The following FABP6 variants were observed in gnomAD, a reference collection of about 807,000 sequenced individuals.
FABP6 encodes the protein gastrotropin.
FABP6 carries 13 observed loss-of-function variants against 14.9 expected under a neutral mutation model. The observed-to-expected ratio is 0.87, with a 90% confidence interval of 0.57 to 1.39. FABP6 has a LOEUF of 1.39. Among genes scored for constraint, FABP6 ranks in the 40% most tolerant of loss-of-function variants. FABP6 has a pLI of 0.00. For synonymous variants in FABP6, 75 were observed against 63.6 expected, an observed-to-expected ratio of 1.18 and a Z score of -0.85; for missense variants, 161 against 167.2, an observed-to-expected ratio of 0.96 and a Z score of 0.20.
At chr5:160,206,177 T>C (rs1028365297) in intron 2 of FABP6, among the ~76,000 whole-genome samples, 1 of 152,320 alleles carries the variant, frequency 6.6e-6, no homozygotes, top group East Asian at 1.9e-4. Flanking sequence ...CTCATGCCTG[T>C]AATCCCAACT....
At chr5:160,191,198 G>C (rs1759386380) in intron 1 of FABP6, among the ~76,000 whole-genome samples, 1 of 152,066 alleles carries the variant, frequency 6.6e-6, no homozygotes, top group African/African-American at 2.4e-5. Context: ...AGGAGCAGTG[G>C]CTCATGCCTG....
At chr5:160,232,017 G>A in intron 1 of FABP6, 81 bp from the exon 2 acceptor site, 1 of 1,506,374 alleles carries the variant, frequency 6.6e-7, no homozygotes, top group Non-Finnish European at 9.0e-7. Context: ...GGGCGGTGGG[G>A]GTGGGCAGGA....
At chr5:160,233,987 T>C (rs975833389) in intron 2 of FABP6, among the ~76,000 whole-genome samples, 1 of 152,132 alleles carries the variant, frequency 6.6e-6, no homozygotes, top group Admixed American at 6.6e-5. Context: ...CCCCAGCTAT[T>C]TGCCTCTATC....
chr5:160,235,016 C>A, intron 3 of FABP6, 107 bp downstream of exon 3: 1 of 845,194 alleles, frequency 1.2e-6, no homozygotes, highest in Non-Finnish European at 1.9e-6. Context: ...CAGCACTTCC[C>A]TTGTACCAGG....
chr5:160,224,151 G>A (rs1760194470), intron 3 of FABP6, among the ~76,000 whole-genome samples: 2 of 152,092 alleles, frequency 1.3e-5, no homozygotes, highest in Non-Finnish European at 2.9e-5. Context: ...CAGGAGAATG[G>A]CGTGAACCCA....
intron 2 of FABP6, among the ~76,000 whole-genome samples, chr5:160,232,991 T>G (rs1760425319): frequency 2.7e-5 from 4 of 147,580 alleles, no homozygotes; most frequent in South Asian, 2.2e-4. Flanking sequence ...CATAAGTGTT[T>G]TTTTTTTTTT....
chr5:160,213,948 A>T (rs1449870800), intron 3 of FABP6: 1 of 739,010 alleles, frequency 1.4e-6, no homozygotes, highest in Non-Finnish European at 2.3e-6. Context: ...TTAGAATATT[A>T]GGTTGCACCA....
chr5:160,217,187 C>A (rs1298218771), intron 3 of FABP6, among the ~76,000 whole-genome samples: 1 of 152,092 alleles, frequency 6.6e-6, no homozygotes, highest in East Asian at 1.9e-4. Flanking sequence ...ATGGGGGCAG[C>A]AAGTTTTGTT....
upstream of FABP6, among the ~76,000 whole-genome samples, chr5:160,225,289 G>T (rs981230158): frequency 3.2e-4 from 44 of 138,748 alleles, no homozygotes; most frequent in Non-Finnish European, 3.0e-4. Context: ...TAGAGATGGG[G>T]TTCTGCCATG....
chr5:160,223,362 T>C (rs201982579), intron 3 of FABP6, among the ~76,000 whole-genome samples: 525 of 32,814 alleles, frequency 0.016, 9 homozygotes, highest in African/African-American at 0.029. Context: ...TCCTTCCTTC[T>C]TTCCCTCCCT....
At chr5:160,219,433 G>A (rs1760085932) in intron 3 of FABP6, among the ~76,000 whole-genome samples, 1 of 152,186 alleles carries the variant, frequency 6.6e-6, no homozygotes, top group African/African-American at 2.4e-5. Flanking sequence ...CTGTGATATG[G>A]AGGCAGTTTG....
At chr5:160,191,780 T>G (rs1759399484) in intron 1 of FABP6, among the ~76,000 whole-genome samples, 1 of 136,700 alleles carries the variant, frequency 7.3e-6, no homozygotes, top group African/African-American at 2.8e-5. Flanking sequence ...GCTAACATGG[T>G]GAAACCCCAT....
chr5:160,229,851 A>G (rs868055555), intron 1 of FABP6, among the ~76,000 whole-genome samples: 1 of 101,392 alleles, frequency 9.9e-6, no homozygotes, highest in Non-Finnish European at 2.2e-5. Flanking sequence ...ATTTTATTTT[A>G]TTTTATTTTA....
chr5:160,208,475 A>G (rs6897201), intron 2 of FABP6, among the ~76,000 whole-genome samples: 124,352 of 152,140 alleles, frequency 0.82, 51,257 homozygotes, highest in Non-Finnish European at 0.85. Flanking sequence ...ACATTGCAAT[A>G]GTTTGAATGT....
chr5:160,198,908 C>G (rs1283603948), intron 1 of FABP6: 2 of 587,212 alleles, frequency 3.4e-6, no homozygotes, highest in South Asian at 2.1e-5. Context: ...AGGGACCTCA[C>G]GTGTTTCTTC....
chr5:160,194,584 G>A (rs1254005056), intron 1 of FABP6, among the ~76,000 whole-genome samples: 2 of 152,236 alleles, frequency 1.3e-5, no homozygotes, highest in African/African-American at 2.4e-5. Flanking sequence ...AAGAGAGAGA[G>A]AGAAAGAAAT....
intron 3 of FABP6, among the ~76,000 whole-genome samples, chr5:160,216,843 C>T (rs11135096): frequency 6.6e-6 from 1 of 152,120 alleles, no homozygotes; most frequent in African/African-American, 2.4e-5. Context: ...TTGTCTGGTG[C>T]TTTGGGGTCA....
chr5:160,188,388 C>T (rs1418744472), intron 1 of FABP6, among the ~76,000 whole-genome samples: 1 of 139,144 alleles, frequency 7.2e-6, no homozygotes, highest in African/African-American at 2.6e-5. Flanking sequence ...CCCAGGTAGC[C>T]GGCTGGCTGA....
chr5:160,208,525 G>GT (rs1759816830), intron 2 of FABP6, among the ~76,000 whole-genome samples: 1 of 152,254 alleles, frequency 6.6e-6, no homozygotes, highest in South Asian at 2.1e-4. Context: ...ACTACCCCAT[G>GT]TAACTATAGC....
Sources: allele counts gnomAD v4.1 joint callset (sites outside exome capture counted in the v4.1 genomes callset), GRCh38; gene constraint gnomAD v4.1.1; transcripts MANE v1.5; gene names NCBI Gene and HGNC (gene_info 2026-07-23, HGNC 2026-07-21).